Variants in TMEM135 observed in about 807,000 individuals in gnomAD.
TMEM135 encodes transmembrane protein 135, also known as peroxisomal membrane protein 52.
In TMEM135, 30 loss-of-function variants were observed where a neutral mutation model predicts 60.3. The observed-to-expected ratio is 0.50, with a 90% CI of 0.37 to 0.68. The LOEUF is 0.68. Among genes scored for constraint, TMEM135 ranks in the 30% least tolerant of loss-of-function variants. The pLI, the probability that TMEM135 is intolerant of heterozygous loss-of-function variation, is 0.00. For synonymous variants in TMEM135, 190 were observed against 186.7 expected, an observed-to-expected ratio of 1.02 and a Z score of -0.14; for missense variants, 468 against 548.8, an observed-to-expected ratio of 0.85 and a Z score of 1.47.
chr11:87,093,573 C>T lies in TMEM135; in HGVS notation c.396+2178C>T, dbSNP rs182496706. Among the ~76,000 whole-genome samples, 936 of 151,990 alleles carry T rather than the reference C, an allele frequency of 6.2e-3. 9 individuals are homozygous for T. Among genetic ancestry groups the T allele is most frequent in the African/African-American group, 0.022 (891 of 41,412 alleles). ...TGAGATGGAGTCTCGCTCTGTCACC[C>T]GGGCTGGAATGCAGTGGTGTGATAT... On this transcript the variant is annotated intron_variant, in intron 4 of 14. Coordinates refer to ENST00000305494, the MANE Select transcript of TMEM135 (RefSeq NM_022918.4).
intron 3 of TMEM135, among the ~76,000 whole-genome samples, chr11:87,083,171 T>A (rs1857026090): frequency 6.6e-6 from 1 of 152,216 alleles, no homozygotes; most frequent in Admixed American, 6.5e-5. Flanking sequence ...TAAATCTTAA[T>A]CGCATCATTG....
chr11:87,323,976 GTTAT>G lies in TMEM135; in HGVS notation c.*2647_*2650del, dbSNP rs1461953225. The G allele has an allele frequency of 4.4e-6, 2 of 453,472 alleles. No individual in the cohort carries two copies. Among genetic ancestry groups the G allele is most frequent in the African/African-American group, 4.0e-5 (2 of 49,888 alleles). The allele number at this position is 453,472 out of a possible 1,614,324, so 28.1% of individuals were successfully genotyped here. ...GCCTTCATTCGTTGTTTAGTCAGTT[GTTAT>G]TTAATTTAGAATTTTATATTTTTTT... On this transcript the variant is annotated 3_prime_UTR_variant, in exon 15 of 15. Coordinates refer to ENST00000305494, the MANE Select transcript of TMEM135 (RefSeq NM_022918.4).
intron 9 of TMEM135, among the ~76,000 whole-genome samples, chr11:87,307,073 T>C (rs1376865166): frequency 6.6e-6 from 1 of 152,172 alleles, no homozygotes; most frequent in African/African-American, 2.4e-5. Flanking sequence ...AGAAAGTTTA[T>C]GTTCTTCTTG....
At chr11:87,119,220 A>G (rs1365949349) in intron 4 of TMEM135, among the ~76,000 whole-genome samples, 2 of 152,196 alleles carry the variant, frequency 1.3e-5, no homozygotes, top group Non-Finnish European at 2.9e-5. Context: ...TTAGAATTGC[A>G]AGGTTATTAA....
intron 3 of TMEM135, among the ~76,000 whole-genome samples, chr11:87,089,543 A>C (rs546705882): frequency 6.7e-6 from 1 of 149,864 alleles, no homozygotes; most frequent in African/African-American, 2.5e-5. Context: ...ATCCTGTCTC[A>C]AAAAGAAAAA....
At chr11:87,234,482 A>G (rs553759236) in intron 5 of TMEM135, among the ~76,000 whole-genome samples, 1 of 152,168 alleles carries the variant, frequency 6.6e-6, no homozygotes, top group Non-Finnish European at 1.5e-5. Context: ...GTGATATTAG[A>G]GATTTCAAAA....
At chr11:87,237,808 C>A (rs1941035187) in intron 6 of TMEM135, among the ~76,000 whole-genome samples, 2 of 152,030 alleles carry the variant, frequency 1.3e-5, no homozygotes, top group Admixed American at 1.3e-4. Flanking sequence ...CCACCTCCCC[C>A]TGCTCCCCAC....
intron 3 of TMEM135, among the ~76,000 whole-genome samples, chr11:87,088,393 C>A (rs548287384): frequency 6.6e-6 from 1 of 152,062 alleles, no homozygotes; most frequent in African/African-American, 2.4e-5. Context: ...CTATATTACC[C>A]TATGTTAAGA....
chr11:87,114,202 A>G (rs1857821241), intron 4 of TMEM135, among the ~76,000 whole-genome samples: 1 of 152,130 alleles, frequency 6.6e-6, no homozygotes, highest in Non-Finnish European at 1.5e-5. Context: ...CAAGCAAGAG[A>G]AAAATAACAG....
At chr11:87,170,253 TTTG>T (rs1451476610) in intron 5 of TMEM135, among the ~76,000 whole-genome samples, 1 of 152,132 alleles carries the variant, frequency 6.6e-6, no homozygotes, top group African/African-American at 2.4e-5. Context: ...CTCAGAGGAG[TTTG>T]TTATTACCCA....
chr11:87,046,536 G>A (rs536021381), intron 1 of TMEM135, among the ~76,000 whole-genome samples: 6 of 152,334 alleles, frequency 3.9e-5, no homozygotes, highest in African/African-American at 1.4e-4. Context: ...TATTTTCAGT[G>A]AAACATACTG....
At chr11:87,043,420 A>G (rs1397029574) in intron 1 of TMEM135, among the ~76,000 whole-genome samples, 1 of 152,046 alleles carries the variant, frequency 6.6e-6, no homozygotes, top group Non-Finnish European at 1.5e-5. Flanking sequence ...GCACACATAC[A>G]TATGAAACAG....
In TMEM135 at chr11:87,038,024, C is replaced by T. The variant is rs1446758222; in HGVS notation, c.-22C>T. On this transcript the variant is annotated 5_prime_UTR_variant, in exon 1 of 15. Coordinates refer to ENST00000305494, the MANE Select transcript of TMEM135 (RefSeq NM_022918.4). ...AGGGCTCAGGCTCTCCCCCTCCTGT[C>T]TTCTCCGCGCTGTTCCTCGTCATGG... 1 of 1,613,634 alleles carries T rather than the reference C, an allele frequency of 6.2e-7. No individual in the cohort carries two copies. The highest frequency in any genetic ancestry group is 1.3e-5 in the African/African-American group (1 of 75,080).
rs1233707818 is a variant in TMEM135 at position 87,183,953 on chromosome 11, C to A, written c.462+26547C>A. ...CTTGGGCAACAGAGCCAGACTTCGT[C>A]GCAAAAAAAAAAAAAAAAAAAAAAA... On this transcript the variant is annotated intron_variant, in intron 5 of 14. Transcript: ENST00000305494. 1.8e-4 allele frequency among the ~76,000 whole-genome samples: 7 copies of A among 38,306 alleles called. No individual in the cohort carries two copies. The East Asian group carries it at 4.1e-3, about 22-fold the overall frequency. The allele number at this position is 38,306 out of a possible 152,430, so 25.1% of individuals were successfully genotyped here.
intron 1 of TMEM135, among the ~76,000 whole-genome samples, chr11:87,040,663 A>AC (rs1949743055): frequency 2.6e-5 from 2 of 76,560 alleles, no homozygotes; most frequent in Non-Finnish European, 2.7e-5. Flanking sequence ...ACTCCATCAC[A>AC]AAAAAAAAAA....
chr11:87,234,001 T>A (rs916016547), intron 5 of TMEM135, among the ~76,000 whole-genome samples: 2 of 152,128 alleles, frequency 1.3e-5, no homozygotes, highest in African/African-American at 4.8e-5. Flanking sequence ...AAAAACTTTT[T>A]AAAAACTTAG....
intron 12 of TMEM135, 26 bp from the exon 13 acceptor site, chr11:87,318,111 A>G (rs767684000): frequency 3.8e-6 from 6 of 1,579,602 alleles, no homozygotes; most frequent in Middle Eastern, 1.7e-4. Context: ...TTTCTTTATA[A>G]CTCTTGTCTT....
chr11:87,243,592 G>A (rs1941190229), intron 6 of TMEM135, among the ~76,000 whole-genome samples: 1 of 81,498 alleles, frequency 1.2e-5, no homozygotes, highest in Middle Eastern at 6.5e-3. Flanking sequence ...TGGATTCCTA[G>A]GTATTTTATT....
chr11:87,071,734 G>A (rs530824710), intron 3 of TMEM135, 119 bp downstream of exon 3: 42 of 578,036 alleles, frequency 7.3e-5, no homozygotes, highest in Admixed American at 6.4e-4. Context: ...ATATTTTTTC[G>A]GTTCTGCAGA....
Sources: gnomAD v4.1 joint callset for allele counts (sites outside exome capture counted in the v4.1 genomes callset) on GRCh38, gnomAD v4.1.1 for gene constraint, MANE v1.5 for transcripts, NCBI Gene and HGNC (gene_info 2026-07-23, HGNC 2026-07-21) for gene names.